AGAP1: variants seen among roughly 807,000 people sequenced by gnomAD.
AGAP1 encodes ArfGAP with GTPase domain, ankyrin repeat and PH domain 1, also known as arf-GAP with GTPase, ANK repeat and PH domain-containing protein 1.
Under a neutral mutation model 105.3 loss-of-function variants are expected in AGAP1, and 29 were observed. That is an observed-to-expected ratio of 0.28 (90% CI 0.21 to 0.38). The LOEUF (loss-of-function observed/expected upper bound fraction) is 0.38. Among genes scored for constraint, AGAP1 ranks in the 10% least tolerant of loss-of-function variants. The pLI, the probability that AGAP1 is intolerant of heterozygous loss-of-function variation, is 1.00. For synonymous variants in AGAP1, 509 were observed against 485.9 expected, an observed-to-expected ratio of 1.05 and a Z score of -0.63; for missense variants, 998 against 1,165.1, an observed-to-expected ratio of 0.86 and a Z score of 2.09.
At chr2:235,759,401 C>T (rs966885774) in intron 6 of AGAP1, among the ~76,000 whole-genome samples, 4 of 151,910 alleles carry the variant, frequency 2.6e-5, no homozygotes, top group Non-Finnish European at 4.4e-5. Flanking sequence ...GATCTCCTGA[C>T]CTCGTGATCC....
intron 1 of AGAP1, among the ~76,000 whole-genome samples, chr2:235,694,889 T>C (rs1949925475): frequency 6.6e-6 from 1 of 152,172 alleles, no homozygotes; most frequent in Non-Finnish European, 1.5e-5. Context: ...CCAGGATGCA[T>C]GGGGGGTTCC....
At chr2:236,118,973 A>G (rs180755451) in intron 16 of AGAP1, among the ~76,000 whole-genome samples, 1 of 152,162 alleles carries the variant, frequency 6.6e-6, no homozygotes, top group Admixed American at 6.5e-5. Flanking sequence ...CTTTGGGTCA[A>G]CATAAACATG....
chr2:235,854,337 C>T (rs1489178225), intron 9 of AGAP1, among the ~76,000 whole-genome samples: 1 of 152,194 alleles, frequency 6.6e-6, no homozygotes, highest in Non-Finnish European at 1.5e-5. Context: ...GGGCTGTGGT[C>T]CTGTTGGCTC....
chr2:235,675,382 G>A (rs1159182341), intron 1 of AGAP1, among the ~76,000 whole-genome samples: 7 of 151,902 alleles, frequency 4.6e-5, no homozygotes, highest in Admixed American at 1.3e-4. Context: ...TAGTAGAGAC[G>A]GGGTTTCACT....
intron 1 of AGAP1, among the ~76,000 whole-genome samples, chr2:235,589,200 T>TG (rs1231138866): frequency 0.023 from 2,375 of 102,946 alleles, 101 homozygotes; most frequent in African/African-American, 0.12. Flanking sequence ...TTTTGTTTTT[T>TG]TTTTTTTTTT....
intron 9 of AGAP1, among the ~76,000 whole-genome samples, chr2:235,856,159 G>A (rs900047902): frequency 3.3e-5 from 5 of 152,152 alleles, no homozygotes; most frequent in Admixed American, 1.3e-4. Flanking sequence ...TGAGCCACTC[G>A]CCTCGGCCTC....
chr2:236,040,630 T>C lies in AGAP1; in HGVS notation c.1801-121T>C, dbSNP rs1245005805. ...AGACATCAAAACAAGAGTGATTGTT[T>C]AGAAATTACCCTCGTCCTACATTTG... On this transcript the variant is annotated intron_variant, in intron 14 of 17. Coordinates refer to ENST00000304032, the MANE Select transcript of AGAP1 (RefSeq NM_001037131.3). This position sits in a 1 kb window ranked among gnomAD's most constrained non-coding sequence, Gnocchi z 5.6. 1.3e-6 allele frequency: 1 copy of C among 751,860 alleles called. No individual in the cohort carries two copies. The highest frequency in any genetic ancestry group is 2.4e-5 in the Admixed American group (1 of 41,340). The allele number at this position is 751,860 out of a possible 1,614,324, so 46.6% of individuals were successfully genotyped here.
At chr2:236,041,471 G>T (rs1342872996) in intron 15 of AGAP1, among the ~76,000 whole-genome samples, 1 of 151,868 alleles carries the variant, frequency 6.6e-6, no homozygotes, top group African/African-American at 2.4e-5. Context: ...GTGCCATCGA[G>T]TACCCCAGTT....
chr2:235,648,708 C>CA (rs200700617), intron 1 of AGAP1, among the ~76,000 whole-genome samples: 14 of 132,182 alleles, frequency 1.1e-4, no homozygotes, highest in South Asian at 2.4e-4. Context: ...CCCATCTCTA[C>CA]AAAAAAAAAA....
chr2:236,038,101 A>T lies in AGAP1; in HGVS notation c.1800+1386A>T, dbSNP rs1168559163. 3.3e-5 allele frequency among the ~76,000 whole-genome samples: 5 copies of T among 152,316 alleles called. No homozygotes were observed. The highest frequency in any genetic ancestry group is 3.4e-3 in the Middle Eastern group (1 of 294). On this transcript the variant is annotated intron_variant, in intron 14 of 17. Transcript: ENST00000304032. The surrounding 1 kb of genome is among the most constrained non-coding windows in gnomAD (Gnocchi z 4.5). Reference sequence around the variant, plus strand: ...TGCTTCCCTTTTTAAAAGATGTTTTATACTCAAGGTGGGGAGAACCACTGC... The same window carrying T: ...TGCTTCCCTTTTTAAAAGATGTTTTTTACTCAAGGTGGGGAGAACCACTGC...
At chr2:235,593,097 A>G (rs1865941) in intron 1 of AGAP1, among the ~76,000 whole-genome samples, 139,992 of 152,210 alleles carry the variant, frequency 0.92, 64,609 homozygotes, top group East Asian at 1. Flanking sequence ...GGGGAGAGGG[A>G]TGCAGGTTGT....
chr2:235,681,502 G>A (rs538867242), intron 1 of AGAP1, among the ~76,000 whole-genome samples: 3 of 152,212 alleles, frequency 2.0e-5, no homozygotes, highest in South Asian at 4.2e-4. Context: ...CAACACAGCC[G>A]ACAGGTGGAC....
rs892964191 is a variant in AGAP1, at chr2:236,000,743, T to C, written c.1645+32120T>C. Among the ~76,000 whole-genome samples, 1 of 150,892 alleles carries C rather than the reference T, an allele frequency of 6.6e-6. No individual in the cohort carries two copies. Among genetic ancestry groups the C allele is most frequent in the African/African-American group, 2.4e-5 (1 of 40,954 alleles). ...AGCCCCGATGGTGTGGCGGGGCAGG[T>C]ACTAGAGATTGTGTTTGCAGTGAGG... On this transcript the variant is annotated intron_variant, in intron 13 of 17. Transcript: ENST00000304032. The surrounding 1 kb of genome is among the most constrained non-coding windows in gnomAD (Gnocchi z 4.3).
chr2:235,546,218 G>A (rs986203630), intron 1 of AGAP1, among the ~76,000 whole-genome samples: 2 of 152,208 alleles, frequency 1.3e-5, no homozygotes, highest in Non-Finnish European at 2.9e-5. Context: ...TTGTTCATCC[G>A]AGCCCAAGGT....
chr2:235,846,572 C>T (rs542262364), intron 9 of AGAP1, among the ~76,000 whole-genome samples: 1 of 152,006 alleles, frequency 6.6e-6, no homozygotes, highest in South Asian at 2.1e-4. Flanking sequence ...CTCAAGTGAT[C>T]ATCCCACCTC....
At chr2:235,594,882 T>A (rs896683380) in intron 1 of AGAP1, among the ~76,000 whole-genome samples, 1 of 120,504 alleles carries the variant, frequency 8.3e-6, no homozygotes, top group African/African-American at 3.4e-5. Context: ...CCCAGATTGC[T>A]GTTTTTTTTT....
chr2:235,805,548 T>TA (rs202123913), intron 8 of AGAP1, among the ~76,000 whole-genome samples: 5 of 151,972 alleles, frequency 3.3e-5, no homozygotes, highest in Admixed American at 6.6e-5. Context: ...TTTTGTTAAT[T>TA]AAAAAAAAAT....
intron 1 of AGAP1, among the ~76,000 whole-genome samples, chr2:235,708,435 G>A (rs72975223): frequency 0.28 from 42,924 of 152,034 alleles, 7,716 homozygotes; most frequent in Non-Finnish European, 0.39. Context: ...CATCTGTATC[G>A]GGTGGGTGCA....
intron 17 of AGAP1, among the ~76,000 whole-genome samples, chr2:236,122,635 T>G (rs1451182140): frequency 6.6e-6 from 1 of 152,078 alleles, no homozygotes; most frequent in African/African-American, 2.4e-5. Flanking sequence ...CTAAGAAAGA[T>G]TCTATGTGAG....
Sources: gnomAD v4.1 joint callset for allele counts (sites outside exome capture counted in the v4.1 genomes callset) on GRCh38, gnomAD v4.1.1 for gene constraint, Gnocchi (gnomAD v3.1) non-coding constraint, MANE v1.5 for transcripts, NCBI Gene and HGNC (gene_info 2026-07-23, HGNC 2026-07-21) for gene names.